The following TTC5 variants were observed in gnomAD, a reference collection of about 807,000 sequenced individuals.
TTC5 encodes tetratricopeptide repeat protein 5.
TTC5 carries 46 observed loss-of-function variants against 57.4 expected under a neutral mutation model. The ratio of observed to expected loss-of-function variants is 0.80; its 90% confidence interval spans 0.63 to 1.03. TTC5 has a LOEUF of 1.03. Ranked by LOEUF, TTC5 falls within the 50% of genes least tolerant of loss-of-function variation. The pLI is 0.00. For missense variants in TTC5, 504 were observed against 528.1 expected (o/e 0.95, Z 0.45); for synonymous variants, 190 against 203.5 (o/e 0.93, Z 0.57).
chr14:20,298,784 C>T lies in TTC5; in HGVS notation c.639+13G>A. On this transcript the variant is annotated intron_variant, in intron 5 of 9. Transcript: ENST00000258821. ...TTGCCTATTCATCTGGCCTGGTGAC[C>T]ATAAGTACTTACTGCTTGGGCATAG... is the stretch of plus-strand genomic sequence containing the variant. 1 of 1,595,790 alleles carries T rather than the reference C, an allele frequency of 6.3e-7. No individual in the cohort carries two copies. Among genetic ancestry groups the T allele is most frequent in the Non-Finnish European group, 8.6e-7 (1 of 1,163,462 alleles).
chr14:20,298,931 T>G (rs1882123411), intron 4 of TTC5, 43 bp from the exon 5 acceptor site: 1 of 1,411,176 alleles, frequency 7.1e-7, no homozygotes, highest in Admixed American at 1.7e-5. Context: ...GAGTCCAAGT[T>G]CAAGATATGA....
In TTC5 at chr14:20,286,719, T is replaced by A. The variant is rs1881845356; in HGVS notation, c.*2908A>T. The A allele has an allele frequency of 6.7e-6, 1 of 149,220 alleles. No individual in the cohort carries two copies. The highest frequency in any genetic ancestry group is 1.5e-5 in the Non-Finnish European group (1 of 67,358). 9.2% of individuals were successfully genotyped at this position (149,220 alleles called of 1,614,324 possible). ...ATTCAATGACATTGAAATTAAGAAC[T>A]TCTGTTCAGCAAAAGACCCAATAGA... is the stretch of plus-strand genomic sequence containing the variant. On this transcript the variant is annotated 3_prime_UTR_variant, in exon 10 of 10. Transcript: ENST00000258821.
rs1185484305 is a variant in TTC5, at chr14:20,295,461, A to G, written c.909T>C (p.Pro303=). ...LGSLRPAHLG[P]CSDGHYQSAS... is the part of the protein sequence containing the mutation. ...CTGACTGATAGTGCCCATCACTGCA[A>G]GGGCCTAGATGGGCTGGGCGCAAGC... Residue 303 remains proline (P), a synonymous_variant, in exon 8 of 10, where the codon CCT becomes CCC. Transcript: ENST00000258821. The G allele has an allele frequency of 6.2e-7, 1 of 1,614,150 alleles. No individual in the cohort carries two copies. The highest frequency in any genetic ancestry group is 1.7e-5 in the Admixed American group (1 of 60,028).
At chr14:20,299,604 A>AG (rs1368595870) in intron 3 of TTC5, among the ~76,000 whole-genome samples, 156 bp from the exon 4 acceptor site, 1 of 152,154 alleles carries the variant, frequency 6.6e-6, no homozygotes, top group African/African-American at 2.4e-5. Context: ...CCCAGGCTGA[A>AG]GTGCAATGGC....
chr14:20,287,994 AAG>A lies in TTC5; in HGVS notation c.*1631_*1632del, dbSNP rs1406758246. 1 of 152,188 alleles carries A rather than the reference AAG, an allele frequency of 6.6e-6. No homozygotes were observed. Among genetic ancestry groups the A allele is most frequent in the Non-Finnish European group, 1.5e-5 (1 of 68,028 alleles). The allele number at this position is 152,188 out of a possible 1,614,324, so 9.4% of individuals were successfully genotyped here. ...ATAGGTTTTTTTGGTGCAGTCCATG[AAG>A]AGTGTTCTTGCAAACTATATCAGAC... On this transcript the variant is annotated 3_prime_UTR_variant, in exon 10 of 10. Transcript: ENST00000258821.
At chr14:20,301,065 G>A (rs912767808) in intron 2 of TTC5, among the ~76,000 whole-genome samples, 2 of 152,268 alleles carry the variant, frequency 1.3e-5, no homozygotes, top group African/African-American at 2.4e-5. Context: ...GGATCAGCTC[G>A]GTTGCTAACT....
intron 1 of TTC5, among the ~76,000 whole-genome samples, chr14:20,304,398 AT>A (rs1882249734): frequency 6.6e-6 from 1 of 152,218 alleles, no homozygotes; most frequent in Non-Finnish European, 1.5e-5. Flanking sequence ...AAAATTCTAC[AT>A]TTTTAACAGG....
chr14:20,302,002 A>G (rs1287504423), intron 1 of TTC5, 37 bp from the exon 2 acceptor site: 1 of 1,611,330 alleles, frequency 6.2e-7, no homozygotes, highest in Non-Finnish European at 8.5e-7. Flanking sequence ...AAGTGGAAAG[A>G]TCACTGGATA....
chr14:20,296,163 C>T (rs897678543), intron 6 of TTC5, among the ~76,000 whole-genome samples: 1 of 152,142 alleles, frequency 6.6e-6, no homozygotes, highest in African/African-American at 2.4e-5. Context: ...AAAGATCCCC[C>T]CATTCTCTAC....
At chr14:20,296,905 C>T (rs930698816) in intron 5 of TTC5, among the ~76,000 whole-genome samples, 1 of 152,048 alleles carries the variant, frequency 6.6e-6, no homozygotes, top group Non-Finnish European at 1.5e-5. Context: ...TCCAGCTACT[C>T]AGGAGGCTGA....
At position 20,289,129 on chromosome 14, in the gene TTC5, T is replaced by G. The variant is rs1881899319; in HGVS notation, c.*498A>C. The G allele has an allele frequency of 1.5e-5, 1 of 66,800 alleles. No homozygotes were observed. The highest frequency in any genetic ancestry group is 4.3e-5 in the African/African-American group (1 of 23,478). The allele number at this position is 66,800 out of a possible 1,614,324, so 4.1% of individuals were successfully genotyped here. On this transcript the variant is annotated 3_prime_UTR_variant, in exon 10 of 10. Transcript: ENST00000258821. The stretch of plus-strand genomic sequence containing the variant: ...GAATAAAGCAGGCCAAACTACGTGG[T>G]GTTTTTTTTTTTTTCCAAACAAATT...
In TTC5 at chr14:20,289,043, A is replaced by G. The variant is rs561476012; in HGVS notation, c.*584T>C. 6.6e-6 allele frequency: 1 copy of G among 152,026 alleles called. No homozygotes were observed. Among genetic ancestry groups the G allele is most frequent in the South Asian group, 2.1e-4 (1 of 4,806 alleles). The allele number at this position is 152,026 out of a possible 1,614,324, so 9.4% of individuals were successfully genotyped here. A position where few individuals can be genotyped will look rare whatever the true frequency, so the allele number is the denominator to read the frequency against. Reference sequence around the variant, plus strand: ...ATAAACTGCTTTGTATAAAGAAAAAAATGGGGGTATTACTCCAATAAATTG... The same window carrying G: ...ATAAACTGCTTTGTATAAAGAAAAAGATGGGGGTATTACTCCAATAAATTG... On this transcript the variant is annotated 3_prime_UTR_variant, in exon 10 of 10. Coordinates refer to ENST00000258821, the MANE Select transcript of TTC5 (RefSeq NM_138376.3).
intron 5 of TTC5, among the ~76,000 whole-genome samples, chr14:20,296,842 G>C (rs1020525281): frequency 2.0e-5 from 3 of 152,044 alleles, no homozygotes; most frequent in Admixed American, 2.0e-4. Flanking sequence ...GTGAAACACT[G>C]TCTCTACTAA....
chr14:20,299,581 T>C (rs1464224104), intron 3 of TTC5, 133 bp from the exon 4 acceptor site: 5 of 966,896 alleles, frequency 5.2e-6, no homozygotes, highest in Non-Finnish European at 1.6e-6. Flanking sequence ...TGAGGTGGAG[T>C]CTTGCTCTGT....
chr14:20,299,204 C>T lies in TTC5; in HGVS notation c.547+94G>A, dbSNP rs1882130106. 6 of 1,419,258 alleles carry T rather than the reference C, an allele frequency of 4.2e-6. No individual in the cohort carries two copies. In the South Asian group the frequency reaches 6.5e-5, roughly 15 times the overall value. The allele number at this position is 1,419,258 out of a possible 1,614,324, so 87.9% of individuals were successfully genotyped here. On this transcript the variant is annotated intron_variant, in intron 4 of 9. Coordinates refer to ENST00000258821, the MANE Select transcript of TTC5 (RefSeq NM_138376.3). ...CAAAGATGCCCTCTCTGGCTTAAAC[C>T]TCAGAATCACACTCAAAAGAGGGAC...
chr14:20,297,165 C>T (rs1481070004), intron 5 of TTC5, among the ~76,000 whole-genome samples: 4 of 152,228 alleles, frequency 2.6e-5, no homozygotes, highest in Non-Finnish European at 4.4e-5. Context: ...CAGACACATG[C>T]GGAATCATGT....
Position 20,300,696 on chromosome 14 carries a change from C to T in TTC5, c.307G>A (p.Val103Met), listed in dbSNP as rs766986884. 3 of 1,614,200 alleles carry T rather than the reference C, an allele frequency of 1.9e-6. No homozygotes were observed. Among genetic ancestry groups the T allele is most frequent in the Admixed American group, 1.7e-5 (1 of 60,022 alleles). Residue 103 changes from valine (V) to methionine (M), a missense_variant, in exon 3 of 10, where the codon GTG becomes ATG. Physicochemically the swap from Val to Met is conservative, Grantham distance 21. Coordinates refer to ENST00000258821, the MANE Select transcript of TTC5 (RefSeq NM_138376.3). Reference sequence around the variant, plus strand: ...TCACCCAGCTGGTTCCAGGCTTCCACCAGCTCGGGCTCCAGCTTCACAGCC... The same window carrying T: ...TCACCCAGCTGGTTCCAGGCTTCCATCAGCTCGGGCTCCAGCTTCACAGCC... ...SKAVKLEPEL[V>M]EAWNQLGEVY...
rs1322695376 is a variant in TTC5, at chr14:20,289,209, T to G, written c.*418A>C. Reference sequence around the variant, plus strand: ...AGGACCTAAAGTTCAAAAATAAAAATAAAAATTGCTAAAAATAAAAGCCAT... The same window carrying G: ...AGGACCTAAAGTTCAAAAATAAAAAGAAAAATTGCTAAAAATAAAAGCCAT... On this transcript the variant is annotated 3_prime_UTR_variant, in exon 10 of 10. Coordinates refer to ENST00000258821, the MANE Select transcript of TTC5 (RefSeq NM_138376.3). 6.7e-6 allele frequency: 1 copy of G among 149,594 alleles called. No homozygotes were observed. The highest frequency in any genetic ancestry group is 1.5e-5 in the Non-Finnish European group (1 of 67,792). 9.3% of individuals were successfully genotyped at this position (149,594 alleles called of 1,614,324 possible). A position where few individuals can be genotyped will look rare whatever the true frequency, so the allele number is the denominator to read the frequency against.
At chr14:20,301,735 CAGTAACAG>C in intron 2 of TTC5, 90 bp downstream of exon 2, 1 of 1,471,952 alleles carries the variant, frequency 6.8e-7, no homozygotes, top group Non-Finnish European at 9.4e-7. Context: ...TACCCTATAG[CAGTAACAG>C]ATAGGATACC....
Sources: allele counts gnomAD v4.1 joint callset (sites outside exome capture counted in the v4.1 genomes callset), GRCh38; gene constraint gnomAD v4.1.1; transcripts MANE v1.5; gene names NCBI Gene and HGNC (gene_info 2026-07-23, HGNC 2026-07-21).